ALMS1: variants seen among roughly 807,000 people sequenced by gnomAD.
ALMS1 encodes ALMS1 centrosome and basal body associated protein.
A neutral mutation model predicts 352.2 loss-of-function variants in ALMS1; 271 were observed. The observed-to-expected ratio is 0.77, with a 90% CI of 0.70 to 0.85. The LOEUF is 0.85. ALMS1 is among the 40% of genes least tolerant of loss of function. The pLI, the probability that ALMS1 is intolerant of heterozygous loss-of-function variation, is 0.00. For synonymous variants in ALMS1, 1,865 were observed against 1,761.2 expected (o/e 1.06, Z -1.48); for missense variants, 5,445 against 4,870.7 (o/e 1.12, Z -3.51).
chr2:73,493,238 C>G (rs1453647889), intron 10 of ALMS1, among the ~76,000 whole-genome samples: 3 of 151,344 alleles, frequency 2.0e-5, no homozygotes, highest in African/African-American at 7.3e-5. Flanking sequence ...TTTAAAAAAC[C>G]TGAGACTTAG....
Position 73,490,464 on chromosome 2 carries a change from A to C in ALMS1, c.8505A>C (p.Glu2835Asp). ...STRANCSNFK[E>D]IQISDNHTLI... ...GGGCAAATTGTAGCAATTTCAAGGA[A>C]ATTCAGATTTCTGATAACCATACCC... The change falls in exon 10 of 23, where the codon GAA becomes GAC. Residue 2835 changes from glutamate to aspartate, a missense_variant. Glu to Asp is a conservative substitution (Grantham distance 45). Transcript: ENST00000613296. The C allele has an allele frequency of 6.2e-7, 1 of 1,614,172 alleles. No homozygotes were observed. Among genetic ancestry groups the C allele is most frequent in the Non-Finnish European group, 8.5e-7 (1 of 1,180,044 alleles).
chr2:73,484,165 G>A lies in ALMS1; in HGVS notation c.7675-5469G>A, dbSNP rs2103873834. 2.0e-5 allele frequency among the ~76,000 whole-genome samples: 3 copies of A among 151,826 alleles called. 1 individual carries two copies. The highest frequency in any genetic ancestry group is 7.3e-5 in the African/African-American group (3 of 41,254). ...CATTAGTTGATGCAGTTTCTTCCTA[G>A]TCTTGATGGTCTTTACATTTTGGCA... On this transcript the variant is annotated intron_variant, in intron 9 of 22. Transcript: ENST00000613296.
intron 10 of ALMS1, among the ~76,000 whole-genome samples, chr2:73,492,533 C>A (rs972193746): frequency 2.0e-5 from 3 of 152,138 alleles, no homozygotes; most frequent in Non-Finnish European, 4.4e-5. Flanking sequence ...AGAATTTGAA[C>A]CCTAATTCCA....
intron 7 of ALMS1, among the ~76,000 whole-genome samples, chr2:73,433,148 G>A (rs925450488): frequency 6.6e-6 from 1 of 152,180 alleles, no homozygotes; most frequent in Non-Finnish European, 1.5e-5. Flanking sequence ...TAAAAGGATT[G>A]GAGGGCAGTT....
intron 9 of ALMS1, among the ~76,000 whole-genome samples, chr2:73,481,496 G>C (rs1672702779): frequency 6.6e-6 from 1 of 152,150 alleles, no homozygotes; most frequent in Non-Finnish European, 1.5e-5. Context: ...AGTATAGTTT[G>C]AAGTCAGGTA....
At chr2:73,535,427 A>G (rs1674007608) in intron 12 of ALMS1, among the ~76,000 whole-genome samples, 1 of 152,218 alleles carries the variant, frequency 6.6e-6, no homozygotes, top group Non-Finnish European at 1.5e-5. Context: ...CTTACTAATG[A>G]CATATGTGTA....
rs750585442 is a variant in ALMS1 at position 73,432,182 on chromosome 2, A to C, written c.1339-16A>C. Reference sequence around the variant, plus strand: ...AGTCTTTTTCATTTTTATTGCCTTCATTTGTTCCACATAAGCCAACAAGAG... The same window carrying C: ...AGTCTTTTTCATTTTTATTGCCTTCCTTTGTTCCACATAAGCCAACAAGAG... On this transcript the variant is annotated splice_polypyrimidine_tract_variant and intron_variant, in intron 6 of 22. Transcript: ENST00000613296. The C allele has an allele frequency of 3.8e-6, 6 of 1,595,784 alleles. No individual in the cohort carries two copies. The highest frequency in any genetic ancestry group is 5.2e-6 in the Non-Finnish European group (6 of 1,163,648).
At chr2:73,542,034 C>T (rs1674195792) in intron 12 of ALMS1, among the ~76,000 whole-genome samples, 1 of 152,164 alleles carries the variant, frequency 6.6e-6, no homozygotes. Context: ...CAGCATCATC[C>T]TGATACCAAA....
At chr2:73,456,253 T>C (rs1023448510) in intron 9 of ALMS1, among the ~76,000 whole-genome samples, 1 of 152,212 alleles carries the variant, frequency 6.6e-6, no homozygotes, top group African/African-American at 2.4e-5. Context: ...ATGATACATA[T>C]TCTTTTGAGA....
chr2:73,494,461 T>A (rs1462522513), intron 10 of ALMS1, among the ~76,000 whole-genome samples: 1 of 152,232 alleles, frequency 6.6e-6, no homozygotes, highest in Non-Finnish European at 1.5e-5. Flanking sequence ...AGTCTAACAT[T>A]GATTTCACCA....
intron 9 of ALMS1, among the ~76,000 whole-genome samples, chr2:73,463,275 T>G (rs890583387): frequency 1.3e-5 from 2 of 152,134 alleles, no homozygotes; most frequent in Admixed American, 1.3e-4. Context: ...TGCAATCAAA[T>G]TGGAACTCAG....
chr2:73,542,319 C>T (rs1674202923), intron 12 of ALMS1, among the ~76,000 whole-genome samples: 1 of 152,080 alleles, frequency 6.6e-6, no homozygotes, highest in Admixed American at 6.5e-5. Context: ...AATTCAACAA[C>T]CCTTCATGCT....
At chr2:73,543,053 G>A (rs1372641718) in intron 12 of ALMS1, among the ~76,000 whole-genome samples, 1 of 151,728 alleles carries the variant, frequency 6.6e-6, no homozygotes, top group African/African-American at 2.4e-5. Flanking sequence ...AGCCTGCATC[G>A]CCACGTCAAT....
At chr2:73,428,932 A>G (rs1025959121) in intron 6 of ALMS1, among the ~76,000 whole-genome samples, 3 of 152,142 alleles carry the variant, frequency 2.0e-5, no homozygotes, top group East Asian at 1.9e-4. Flanking sequence ...CTCCTCATAA[A>G]TGATTATTTG....
At chr2:73,577,121 A>G (rs963937873) in intron 16 of ALMS1, among the ~76,000 whole-genome samples, 1 of 152,148 alleles carries the variant, frequency 6.6e-6, no homozygotes, top group Non-Finnish European at 1.5e-5. Context: ...TCTTTGTGAT[A>G]TCTTTACTGC....
At chr2:73,474,520 G>A (rs1356047728) in intron 9 of ALMS1, among the ~76,000 whole-genome samples, 1 of 151,900 alleles carries the variant, frequency 6.6e-6, no homozygotes, top group Non-Finnish European at 1.5e-5. Flanking sequence ...AGTCACCGAG[G>A]CTGGAGTGTA....
At chr2:73,558,523 T>G (rs1351698662) in intron 14 of ALMS1, among the ~76,000 whole-genome samples, 2 of 152,228 alleles carry the variant, frequency 1.3e-5, no homozygotes, top group Admixed American at 1.3e-4. Context: ...CTCAAACAAC[T>G]TTCTAACACT....
At chr2:73,530,710 G>GC (rs1328245472) in intron 11 of ALMS1, among the ~76,000 whole-genome samples, 1 of 152,204 alleles carries the variant, frequency 6.6e-6, no homozygotes, top group East Asian at 1.9e-4. Flanking sequence ...TGAGTGCTCT[G>GC]CCCCTGCAGC....
chr2:73,424,665 A>G lies in ALMS1; in HGVS notation c.1000A>G (p.Lys334Glu). 2 of 1,614,128 alleles carry G rather than the reference A, an allele frequency of 1.2e-6. No homozygotes were observed. The highest frequency in any genetic ancestry group is 2.2e-5 in the East Asian group (1 of 44,866). ...ISSVDELKIP[K>E]DCDRYDDLCS... ...GTCTGTTGATGAACTGAAAATTCCC[A>G]AAGACTGTGATCGTTATGATGATCT... Residue 334 changes from lysine to glutamate, a missense_variant, in exon 5 of 23, where the codon AAA (lysine) becomes GAA (glutamate). By Grantham distance (56) the Lys-to-Glu change is moderately conservative. Transcript: ENST00000613296.
Sources: gnomAD v4.1 joint callset for allele counts (sites outside exome capture counted in the v4.1 genomes callset) on GRCh38, gnomAD v4.1.1 for gene constraint, MANE v1.5 for transcripts, NCBI Gene and HGNC (gene_info 2026-07-23, HGNC 2026-07-21) for gene names.